The following TMTC4 variants were observed in gnomAD, a reference collection of about 807,000 sequenced individuals.
TMTC4 encodes the protein transmembrane O-mannosyltransferase targeting cadherins 4.
TMTC4 carries 65 observed loss-of-function variants against 86.0 expected under a neutral mutation model. The observed-to-expected ratio is 0.76, with a 90% CI of 0.62 to 0.93. The LOEUF (loss-of-function observed/expected upper bound fraction) is 0.93, where lower values mean the gene tolerates loss of function less well. TMTC4 is among the 40% of genes least tolerant of loss of function. The probability of loss-of-function intolerance (pLI) is 0.00; values close to 1 mark genes in which losing one functional copy is unlikely to be tolerated. For missense variants in TMTC4, 866 were observed against 948.1 expected, an observed-to-expected ratio of 0.91 and a Z score of 1.14; for synonymous variants, 379 against 382.5, an observed-to-expected ratio of 0.99 and a Z score of 0.11.
At chr13:100,617,808 G>A (rs544845267) in intron 15 of TMTC4, among the ~76,000 whole-genome samples, 2 of 152,242 alleles carry the variant, frequency 1.3e-5, no homozygotes, top group South Asian at 4.1e-4. Flanking sequence ...GGACTGCTTT[G>A]GCTATTCAGG....
At chr13:100,643,035 C>T (rs1883230872) in intron 6 of TMTC4, among the ~76,000 whole-genome samples, 1 of 152,134 alleles carries the variant, frequency 6.6e-6, no homozygotes, top group Non-Finnish European at 1.5e-5. Context: ...CAGTAACCAC[C>T]ACTGGTCCCT....
intron 12 of TMTC4, among the ~76,000 whole-genome samples, chr13:100,627,184 C>A (rs1281483981): frequency 6.6e-6 from 1 of 152,152 alleles, no homozygotes; most frequent in Non-Finnish European, 1.5e-5. Context: ...GTGGCTGGAG[C>A]ACAGAGAGCA....
At position 100,668,799 on chromosome 13, in the gene TMTC4, A is replaced by G; in HGVS notation, c.4-5T>C. 6.2e-7 allele frequency: 1 copy of G among 1,613,942 alleles called. No homozygotes were observed. Among genetic ancestry groups the G allele is most frequent in the Non-Finnish European group, 8.5e-7 (1 of 1,179,886 alleles). On this transcript the variant is annotated splice_region_variant and splice_polypyrimidine_tract_variant and intron_variant, in intron 2 of 18. Coordinates refer to ENST00000342624, the MANE Select transcript of TMTC4 (RefSeq NM_032813.5). ...AGCATTATGCTGGTTAGGAATCTGC[A>G]GGAAAAACAACACTGTATAAATATT...
chr13:100,637,422 C>T lies in TMTC4; in HGVS notation c.999+116G>A, dbSNP rs577440001. 4.7e-5 allele frequency: 62 copies of T among 1,327,536 alleles called. 1 individual carries two copies. The South Asian group carries it at 6.2e-4, about 13-fold the overall frequency. 82.2% of individuals were successfully genotyped at this position (1,327,536 alleles called of 1,614,324 possible). A position where few individuals can be genotyped will look rare whatever the true frequency, so the allele number is the denominator to read the frequency against. On this transcript the variant is annotated intron_variant, in intron 9 of 18. Coordinates refer to ENST00000342624, the MANE Select transcript of TMTC4 (RefSeq NM_032813.5). ...ATCGCAAGCAAACATGGAGGTGGCG[C>T]GTGTATTGGGGATTTTGTTGGCGTG...
chr13:100,670,583 A>G lies in TMTC4; in HGVS notation c.-207-14T>C, dbSNP rs1886959647. 7.9e-6 allele frequency: 4 copies of G among 505,242 alleles called. No homozygotes were observed. The highest frequency in any genetic ancestry group is 1.4e-5 in the Non-Finnish European group (4 of 289,254). 31.3% of individuals were successfully genotyped at this position (505,242 alleles called of 1,614,324 possible). A position where few individuals can be genotyped will look rare whatever the true frequency, so the allele number is the denominator to read the frequency against. ...TCTAAATTACAACTGCAAACACAACACAGGTTAGCACACAGACCCCAACCT... is the reference window on the plus strand; with the variant it reads ...TCTAAATTACAACTGCAAACACAACGCAGGTTAGCACACAGACCCCAACCT... On this transcript the variant is annotated splice_polypyrimidine_tract_variant and intron_variant, in intron 1 of 18. Coordinates refer to ENST00000342624, the MANE Select transcript of TMTC4 (RefSeq NM_032813.5).
chr13:100,615,186 G>C (rs1307188126), intron 15 of TMTC4, among the ~76,000 whole-genome samples: 1 of 152,078 alleles, frequency 6.6e-6, no homozygotes, highest in Non-Finnish European at 1.5e-5. Flanking sequence ...TGCCCGGGCT[G>C]GAGTGCAATG....
chr13:100,655,893 T>C (rs1195644258), intron 6 of TMTC4, among the ~76,000 whole-genome samples: 1 of 152,158 alleles, frequency 6.6e-6, no homozygotes, highest in Non-Finnish European at 1.5e-5. Flanking sequence ...CTTAGGGCAG[T>C]TGCAGGTGCT....
rs1882029646 is a variant in TMTC4, at chr13:100,635,095, G to A, written c.1303C>T (p.Leu435Phe). ...GFVVAERVLYLPSVGYCVLLT... is the reference protein window; with the variant it reads ...GFVVAERVLYFPSVGYCVLLT... ...AGCACACAGTACCCAACGCTGGGGAGGTAGAGGACACGCTCTGCGACCACG... is the reference window on the plus strand; with the variant it reads ...AGCACACAGTACCCAACGCTGGGGAAGTAGAGGACACGCTCTGCGACCACG... Residue 435 changes from leucine (L) to phenylalanine (F), a missense_variant, in exon 11 of 19, where the codon CTC (leucine) becomes TTC (phenylalanine). Transcript: ENST00000342624. 6.2e-7 allele frequency: 1 copy of A among 1,614,014 alleles called. No homozygotes were observed. The highest frequency in any genetic ancestry group is 1.7e-5 in the Admixed American group (1 of 59,996).
intron 15 of TMTC4, among the ~76,000 whole-genome samples, chr13:100,619,532 G>T (rs566803194): frequency 8.5e-5 from 13 of 152,168 alleles, no homozygotes; most frequent in Non-Finnish European, 1.6e-4. Flanking sequence ...TGGCAAGTCT[G>T]TCTTTTCTTC....
At chr13:100,625,378 C>A in intron 15 of TMTC4, 157 bp downstream of exon 15, 1 of 1,062,756 alleles carries the variant, frequency 9.4e-7, no homozygotes. Flanking sequence ...AAAAATTACT[C>A]AAAAGGAAAT....
chr13:100,615,974 G>A (rs991321173), intron 15 of TMTC4, among the ~76,000 whole-genome samples: 3 of 152,050 alleles, frequency 2.0e-5, no homozygotes. Context: ...TCACTTATGA[G>A]AACATGTGGC....
Position 100,670,368 on chromosome 13 carries a change from G to T in TMTC4, c.-6C>A, listed in dbSNP as rs1283201. 2 of 1,607,814 alleles carry T rather than the reference G, an allele frequency of 1.2e-6. No homozygotes were observed. Among genetic ancestry groups the T allele is most frequent in the East Asian group, 2.3e-5 (1 of 44,176 alleles). On this transcript the variant is annotated 5_prime_UTR_variant, in exon 2 of 19. Coordinates refer to ENST00000342624, the MANE Select transcript of TMTC4 (RefSeq NM_032813.5). ...CAGGCAACGGGACACACCATTCCAT[G>T]GTGATGCTGTCCCCTTCCAGGGGCC... is the stretch of plus-strand genomic sequence containing the variant.
intron 6 of TMTC4, among the ~76,000 whole-genome samples, chr13:100,643,677 T>A (rs1883333864): frequency 6.6e-6 from 1 of 152,256 alleles, no homozygotes; most frequent in African/African-American, 2.4e-5. Context: ...ATTTTAACCA[T>A]GTGTGTATAT....
upstream of TMTC4, chr13:100,674,879 C>T (rs1887671275): frequency 1.0e-6 from 1 of 982,990 alleles, no homozygotes. Context: ...GCGCCTCCCG[C>T]AGCTCCCCAC....
At position 100,626,110 on chromosome 13, in the gene TMTC4, T is replaced by C. The variant is rs754780055; in HGVS notation, c.1547A>G (p.Asn516Ser). ...NIGKNLADKG[N>S]QTAAIRYYRE... Reference sequence around the variant, plus strand: ...GTAGTATCTGATGGCAGCTGTCTGGTTGCCTTTATCAGCCAGGTTTTTGCC... The same window carrying C: ...GTAGTATCTGATGGCAGCTGTCTGGCTGCCTTTATCAGCCAGGTTTTTGCC... The change falls in exon 13 of 19, where the codon AAC becomes AGC. Residue 516 changes from asparagine (N) to serine (S), a missense_variant. Physicochemically the swap from Asn to Ser is conservative, Grantham distance 46. Transcript: ENST00000342624. The C allele has an allele frequency of 1.2e-6, 2 of 1,614,254 alleles. No homozygotes were observed. Among genetic ancestry groups the C allele is most frequent in the South Asian group, 2.2e-5 (2 of 91,088 alleles).
intron 6 of TMTC4, among the ~76,000 whole-genome samples, chr13:100,652,786 TA>T (rs71121128): frequency 0.11 from 16,760 of 152,286 alleles, 1,163 homozygotes; most frequent in South Asian, 0.23. Flanking sequence ...TTCTGCTCTG[TA>T]GGCATTCTGA....
intron 12 of TMTC4, among the ~76,000 whole-genome samples, chr13:100,633,367 G>C (rs999432224): frequency 6.8e-6 from 1 of 148,020 alleles, no homozygotes; most frequent in Admixed American, 6.8e-5. Context: ...AGCACCTACT[G>C]CTGGCCACCG....
At chr13:100,662,181 G>T (rs947194489) in intron 5 of TMTC4, among the ~76,000 whole-genome samples, 5 of 147,264 alleles carry the variant, frequency 3.4e-5, no homozygotes, top group African/African-American at 1.2e-4. Context: ...CTGGGGAGCT[G>T]CTGGTGAAGT....
rs578055649 is a variant in TMTC4, at chr13:100,660,930, G to A, written c.552+2034C>T. 2.6e-5 allele frequency among the ~76,000 whole-genome samples: 4 copies of A among 152,236 alleles called. No homozygotes were observed. The East Asian group carries it at 5.8e-4, about 22-fold the overall frequency. The stretch of plus-strand genomic sequence containing the variant: ...CGGCCTCCCGAAGTGCTGTGATTAC[G>A]GGTGTGAGCCACTGCGCCTGGCCTA... On this transcript the variant is annotated intron_variant, in intron 5 of 18. Coordinates refer to ENST00000342624, the MANE Select transcript of TMTC4 (RefSeq NM_032813.5).
Sources: gnomAD v4.1 joint callset for allele counts (sites outside exome capture counted in the v4.1 genomes callset) on GRCh38, gnomAD v4.1.1 for gene constraint, MANE v1.5 for transcripts, NCBI Gene and HGNC (gene_info 2026-07-23, HGNC 2026-07-21) for gene names.